MIDN: variants seen among roughly 807,000 people sequenced by gnomAD.
MIDN encodes the protein midnolin.
In MIDN, 26 loss-of-function variants were observed where a neutral mutation model predicts 46.1. That is an observed-to-expected ratio of 0.56 (90% CI 0.41 to 0.78). The LOEUF is 0.78. MIDN is among the 30% of genes least tolerant of loss of function. The pLI is 0.00. For synonymous variants in MIDN, 432 were observed against 343.3 expected (o/e 1.26, Z -2.86); for missense variants, 850 against 771.8 (o/e 1.10, Z -1.20).
chr19:1,253,853 A>C, intron 4 of MIDN, 101 bp from the exon 5 acceptor site: 1 of 1,005,758 alleles, frequency 9.9e-7, no homozygotes. Context: ...AGTGACTGCC[A>C]GCTGGGCCCC....
chr19:1,252,269 C>G (rs2081139655), intron 4 of MIDN, among the ~76,000 whole-genome samples: 1 of 152,170 alleles, frequency 6.6e-6, no homozygotes, highest in Non-Finnish European at 1.5e-5. Flanking sequence ...TTCCCCAGAG[C>G]GAGTTTCTCC....
intron 7 of MIDN, 49 bp from the exon 8 acceptor site, chr19:1,255,373 A>G (rs1435129788): frequency 5.2e-6 from 8 of 1,528,706 alleles, no homozygotes; most frequent in Non-Finnish European, 7.0e-6. Flanking sequence ...CGTCCTGGAC[A>G]TGCGGGACTG....
rs2081232505 is a variant in MIDN, at chr19:1,258,785, A to G, written c.*1513A>G. 6.9e-6 allele frequency: 1 copy of G among 144,936 alleles called. No individual in the cohort carries two copies. The highest frequency in any genetic ancestry group is 2.6e-5 in the African/African-American group (1 of 38,890). 9.0% of individuals were successfully genotyped at this position (144,936 alleles called of 1,614,324 possible). A position where few individuals can be genotyped will look rare whatever the true frequency, so the allele number is the denominator to read the frequency against. ...GGATTTTGGGTTTTGTTTTGTTTTC[A>G]TTTTTCCAAAAAAAAAAGAAAAAAA... On this transcript the variant is annotated 3_prime_UTR_variant, in exon 9 of 9. Transcript: ENST00000682408.
chr19:1,258,823 A>G lies in MIDN; in HGVS notation c.*1551A>G, dbSNP rs565511121. On this transcript the variant is annotated 3_prime_UTR_variant, in exon 9 of 9. Coordinates refer to ENST00000682408, the MANE Select transcript of MIDN (RefSeq NM_001388306.1). ...AAAAAGAAAAAAAAATAGAAAAAAAAGGAGTAAAAGGGGCGGGTTTGTTTT... is the reference window on the plus strand; with the variant it reads ...AAAAAGAAAAAAAAATAGAAAAAAAGGGAGTAAAAGGGGCGGGTTTGTTTT... The G allele has an allele frequency of 2.0e-5, 3 of 152,084 alleles. No homozygotes were observed. Among genetic ancestry groups the G allele is most frequent in the South Asian group, 2.1e-4 (1 of 4,816 alleles). 9.4% of individuals were successfully genotyped at this position (152,084 alleles called of 1,614,324 possible). A position where few individuals can be genotyped will look rare whatever the true frequency, so the allele number is the denominator to read the frequency against.
At chr19:1,251,398 C>T (rs60724761) in intron 2 of MIDN, 164 bp from the exon 3 acceptor site, 20,504 of 608,402 alleles carry the variant, frequency 0.034, 1,395 homozygotes, top group African/African-American at 0.17. Flanking sequence ...CAGACGGAGA[C>T]CTCTCTGCAC....
Position 1,250,537 on chromosome 19 carries a change from C to T in MIDN, c.233+8C>T, listed in dbSNP as rs546808029. On this transcript the variant is annotated splice_region_variant and intron_variant, in intron 2 of 8. Transcript: ENST00000682408. ...TCTTCTCCACAAAGACACGTAGGTA[C>T]CGCGCGCCCCCGGCCGGCCGCCCCC... 53 of 1,211,778 alleles carry T rather than the reference C, an allele frequency of 4.4e-5. No homozygotes were observed. Among genetic ancestry groups the T allele is most frequent in the African/African-American group, 2.4e-4 (15 of 62,298 alleles). 75.1% of individuals were successfully genotyped at this position (1,211,778 alleles called of 1,614,324 possible).
intron 1 of MIDN, among the ~76,000 whole-genome samples, chr19:1,249,401 C>T (rs937257405): frequency 6.7e-6 from 1 of 150,304 alleles, no homozygotes; most frequent in African/African-American, 2.4e-5. Flanking sequence ...CGGCTTTTCC[C>T]GGACGAAGGC....
intron 8 of MIDN, among the ~76,000 whole-genome samples, chr19:1,256,159 C>T (rs532939242): frequency 2.0e-5 from 3 of 152,360 alleles, no homozygotes; most frequent in Non-Finnish European, 2.9e-5. Context: ...GCTCTGCACC[C>T]GTCGCGGGGG....
Position 1,254,907 on chromosome 19 carries a change from G to A in MIDN, c.831G>A (p.Met277Ile), listed in dbSNP as rs369485715. The change falls in exon 7 of 9, where the codon ATG becomes ATA. Residue 277 changes from methionine (M) to isoleucine (I), a missense_variant. Transcript: ENST00000682408. ...GTGCCCCTTCCTCCCATCAGCAGAT[G>A]GACTGCTCCCCCACGGCCAGCAGCA... ...HAASTTCPEQ[M>I]DCSPTASSSA... is the part of the protein sequence containing the mutation. 3.7e-6 allele frequency: 6 copies of A among 1,603,530 alleles called. No homozygotes were observed. The African/African-American group carries it at 6.7e-5, about 18-fold the overall frequency.
In MIDN at chr19:1,255,441, C is replaced by G. The variant is rs1382620894; in HGVS notation, c.1005C>G (p.Cys335Trp). Residue 335 changes from cysteine to tryptophan, a missense_variant, in exon 8 of 9, where the codon TGC (cysteine) becomes TGG (tryptophan). Transcript: ENST00000682408. The part of the protein sequence containing the change: ...GTFSGTLHPN[C>W]QDSSGRPRRD... ...CCGCAGGCACGCTACACCCCAACTG[C>G]CAAGACAGCAGCGGGCGGCCGCGGC... 6.3e-7 allele frequency: 1 copy of G among 1,597,886 alleles called. No homozygotes were observed. The highest frequency in any genetic ancestry group is 8.5e-7 in the Non-Finnish European group (1 of 1,173,140).
rs755812511 is a variant in MIDN at position 1,254,942 on chromosome 19, C to T, written c.866C>T (p.Pro289Leu). Reference sequence around the variant, plus strand: ...CCCACGGCCAGCAGCAGTGCCAGTCCTGGTGCCAGCACCACGTCTACCCCA... The same window carrying T: ...CCCACGGCCAGCAGCAGTGCCAGTCTTGGTGCCAGCACCACGTCTACCCCA... ...CSPTASSSASPGASTTSTPGA... is the reference protein window; with the variant it reads ...CSPTASSSASLGASTTSTPGA... The change falls in exon 7 of 9, where the codon CCT becomes CTT. Residue 289 changes from proline (P) to leucine (L), a missense_variant. Pro to Leu is a moderately conservative substitution (Grantham distance 98). Coordinates refer to ENST00000682408, the MANE Select transcript of MIDN (RefSeq NM_001388306.1). The T allele has an allele frequency of 6.2e-7, 1 of 1,612,134 alleles. No individual in the cohort carries two copies. Among genetic ancestry groups the T allele is most frequent in the Non-Finnish European group, 8.5e-7 (1 of 1,179,640 alleles).
At position 1,250,268 on chromosome 19, in the gene MIDN, C is replaced by T; in HGVS notation, c.-29C>T. 1.1e-6 allele frequency: 1 copy of T among 906,068 alleles called. No homozygotes were observed. The highest frequency in any genetic ancestry group is 1.3e-6 in the Non-Finnish European group (1 of 758,078). 56.1% of individuals were successfully genotyped at this position (906,068 alleles called of 1,614,324 possible). ...CGCGGCGAGGATTGGCGGCGCCCGC[C>T]GCCCCCAGCCCCCCAGCGCGCGCCG... On this transcript the variant is annotated 5_prime_UTR_variant, in exon 2 of 9. Coordinates refer to ENST00000682408, the MANE Select transcript of MIDN (RefSeq NM_001388306.1).
chr19:1,251,230 G>A, intron 2 of MIDN: 2 of 302,408 alleles, frequency 6.6e-6, no homozygotes, highest in Non-Finnish European at 1.2e-5. Context: ...TTGGGGGCAG[G>A]GGCTGCCCTG....
Position 1,250,293 on chromosome 19 carries a change from G to A in MIDN, c.-4G>A. ...CGCCCCCAGCCCCCCAGCGCGCGCC[G>A]GGGATGGAGCCGCAGCCCGGCGGCG... On this transcript the variant is annotated 5_prime_UTR_variant, in exon 2 of 9. Coordinates refer to ENST00000682408, the MANE Select transcript of MIDN (RefSeq NM_001388306.1). 1 of 983,214 alleles carries A rather than the reference G, an allele frequency of 1.0e-6. No individual in the cohort carries two copies. The highest frequency in any genetic ancestry group is 1.8e-5 in the African/African-American group (1 of 56,766). The allele number at this position is 983,214 out of a possible 1,614,324, so 60.9% of individuals were successfully genotyped here. A position where few individuals can be genotyped will look rare whatever the true frequency, so the allele number is the denominator to read the frequency against.
At chr19:1,251,785 C>A in intron 3 of MIDN, 54 bp from the exon 4 acceptor site, 1 of 1,581,340 alleles carries the variant, frequency 6.3e-7, no homozygotes, top group East Asian at 2.3e-5. Flanking sequence ...ACCCCCTATT[C>A]CAGCCCAGGA....
Position 1,254,427 on chromosome 19 carries a change from C to T in MIDN, c.774C>T (p.Pro258=), listed in dbSNP as rs1409619140. ...PTSPSPASPS[P]ITAGSFRSHA... ...GCCCGTCCCCTGCATCTCCCTCGCC[C>T]ATCACAGCCGGCTCCTTCCGGTCCC... The change falls in exon 6 of 9, where the codon CCC becomes CCT. Residue 258 remains proline (P), a synonymous_variant. Transcript: ENST00000682408. 2 of 1,566,694 alleles carry T rather than the reference C, an allele frequency of 1.3e-6. No individual in the cohort carries two copies. The highest frequency in any genetic ancestry group is 1.2e-5 in the South Asian group (1 of 86,396).
intron 2 of MIDN, among the ~76,000 whole-genome samples, chr19:1,250,757 C>G (rs923823410): frequency 2.6e-5 from 4 of 151,660 alleles, no homozygotes; most frequent in African/African-American, 9.7e-5. Context: ...GCTTCGGCGG[C>G]CCCCCTTGGG....
At position 1,250,534 on chromosome 19, in the gene MIDN, G is replaced by C; in HGVS notation, c.233+5G>C. 8.1e-7 allele frequency: 1 copy of C among 1,230,492 alleles called. No homozygotes were observed. Among genetic ancestry groups the C allele is most frequent in the Non-Finnish European group, 1.0e-6 (1 of 962,266 alleles). The allele number at this position is 1,230,492 out of a possible 1,614,324, so 76.2% of individuals were successfully genotyped here. ...GGCTCTTCTCCACAAAGACACGTAGGTACCGCGCGCCCCCGGCCGGCCGCC... is the reference window on the plus strand; with the variant it reads ...GGCTCTTCTCCACAAAGACACGTAGCTACCGCGCGCCCCCGGCCGGCCGCC... On this transcript the variant is annotated splice_donor_5th_base_variant and intron_variant, in intron 2 of 8. Coordinates refer to ENST00000682408, the MANE Select transcript of MIDN (RefSeq NM_001388306.1).
Position 1,250,229 on chromosome 19 carries a change from C to T in MIDN, c.-68C>T. The T allele has an allele frequency of 1.4e-6, 1 of 695,672 alleles. No individual in the cohort carries two copies. The highest frequency in any genetic ancestry group is 1.8e-6 in the Non-Finnish European group (1 of 565,444). The allele number at this position is 695,672 out of a possible 1,614,324, so 43.1% of individuals were successfully genotyped here. ...ACCCGGCATCCGGGGAGCCTCTCGC[C>T]CCTGTCCCGGAGGCGCGGCGAGGAT... On this transcript the variant is annotated 5_prime_UTR_variant, in exon 2 of 9. Coordinates refer to ENST00000682408, the MANE Select transcript of MIDN (RefSeq NM_001388306.1).
Sources: allele counts gnomAD v4.1 joint callset (sites outside exome capture counted in the v4.1 genomes callset), GRCh38; gene constraint gnomAD v4.1.1; transcripts MANE v1.5; gene names NCBI Gene and HGNC (gene_info 2026-07-23, HGNC 2026-07-21).